The following SLC25A37 variants were observed in gnomAD, a reference collection of about 807,000 sequenced individuals.
The protein encoded by SLC25A37 is mitoferrin-1.
A neutral mutation model predicts 31.0 loss-of-function variants in SLC25A37; 17 were observed. The observed-to-expected ratio is 0.55, with a 90% CI of 0.38 to 0.82. SLC25A37 has a LOEUF of 0.82. Ranked by LOEUF, SLC25A37 falls within the 40% of genes least tolerant of loss-of-function variation. The pLI is 0.00. For missense variants in SLC25A37, 404 were observed against 465.8 expected (o/e 0.87, Z 1.22); for synonymous variants, 222 against 193.0 (o/e 1.15, Z -1.24).
In SLC25A37 at chr8:23,528,956, C is replaced by A; in HGVS notation, c.-47C>A. 6.5e-6 allele frequency: 9 copies of A among 1,392,906 alleles called. No homozygotes were observed. The highest frequency in any genetic ancestry group is 8.4e-6 in the Non-Finnish European group (9 of 1,069,566). 86.3% of individuals were successfully genotyped at this position (1,392,906 alleles called of 1,614,324 possible). The stretch of plus-strand genomic sequence containing the variant: ...GAAGTGAAGTTTTGCGCCCCTCCCC[C>A]TCCCTGCCCACCTCCTGCAGCCTCC... On this transcript the variant is annotated 5_prime_UTR_variant, in exon 1 of 4. Transcript: ENST00000519973.
At chr8:23,558,108 C>T (rs769590476) in intron 1 of SLC25A37, among the ~76,000 whole-genome samples, 6 of 152,188 alleles carry the variant, frequency 3.9e-5, no homozygotes, top group Non-Finnish European at 8.8e-5. Context: ...TTCACATGAT[C>T]GTCTCCTCAG....
intron 1 of SLC25A37, among the ~76,000 whole-genome samples, chr8:23,553,971 A>G (rs1802297422): frequency 6.6e-6 from 1 of 152,204 alleles, no homozygotes; most frequent in Admixed American, 6.5e-5. Context: ...GGGACTTAGC[A>G]TGTTGTAGAA....
rs1452043531 is a variant in SLC25A37, at chr8:23,571,627, C to T, written c.789C>T (p.Asn263=). Reference sequence around the variant, plus strand: ...TGGACGTCTGTAAGACCCTTCTGAACACTCAGGAGAACGTGGCCCTCTCGC... The same window carrying T: ...TGGACGTCTGTAAGACCCTTCTGAATACTCAGGAGAACGTGGCCCTCTCGC... ...TPLDVCKTLL[N]TQENVALSLA... is the part of the protein sequence containing the mutation. Residue 263 remains asparagine (N), a synonymous_variant, in exon 4 of 4, where the codon AAC becomes AAT. Coordinates refer to ENST00000519973, the MANE Select transcript of SLC25A37 (RefSeq NM_016612.4). 1 of 1,613,948 alleles carries T rather than the reference C, an allele frequency of 6.2e-7. No homozygotes were observed. Among genetic ancestry groups the T allele is most frequent in the Admixed American group, 1.7e-5 (1 of 60,010 alleles).
At chr8:23,530,980 T>C (rs1801650835) in intron 1 of SLC25A37, among the ~76,000 whole-genome samples, 1 of 152,234 alleles carries the variant, frequency 6.6e-6, no homozygotes, top group Non-Finnish European at 1.5e-5. Context: ...ATGTCACCTG[T>C]ATACTTAGTA....
chr8:23,533,447 CT>C (rs1801701121), intron 1 of SLC25A37, among the ~76,000 whole-genome samples: 1 of 152,200 alleles, frequency 6.6e-6, no homozygotes, highest in African/African-American at 2.4e-5. Flanking sequence ...CTTCCCAAAC[CT>C]TTTCCTGGCT....
chr8:23,551,409 G>A (rs1173590061), intron 1 of SLC25A37, among the ~76,000 whole-genome samples: 1 of 152,096 alleles, frequency 6.6e-6, no homozygotes, highest in Non-Finnish European at 1.5e-5. Flanking sequence ...TGGGGCAGCT[G>A]AAGGGAAGGG....
At chr8:23,542,224 A>T (rs1280167418) in intron 1 of SLC25A37, among the ~76,000 whole-genome samples, 1 of 152,212 alleles carries the variant, frequency 6.6e-6, no homozygotes, top group Non-Finnish European at 1.5e-5. Context: ...GTTTGGGATG[A>T]TGCTGGTGTA....
At position 23,572,203 on chromosome 8, in the gene SLC25A37, T is replaced by TAAA. The variant is rs540950017; in HGVS notation, c.*391_*393dup. 2.7e-4 allele frequency: 23 copies of TAAA among 85,764 alleles called. 1 individual carries two copies. The highest frequency in any genetic ancestry group is 9.8e-4 in the African/African-American group (15 of 15,290). 5.3% of individuals were successfully genotyped at this position (85,764 alleles called of 1,614,324 possible). On this transcript the variant is annotated 3_prime_UTR_variant, in exon 4 of 4. Transcript: ENST00000519973. The stretch of plus-strand genomic sequence containing the variant: ...GAAAATTTGCAGTGACTGAAAACAG[T>TAAA]AAAAAAAAAAAAAAAAAAAAAAAAA...
rs542454397 is a variant in SLC25A37 at position 23,529,035 on chromosome 8, G to A, written c.33G>A (p.Gln11=). ...TGCGCAGCGGGAGCGTGGGCAGCCA[G>A]GCGGTGGCGCGGAGGATGGATGGGG... The part of the protein sequence containing the change: MELRSGSVGS[Q]AVARRMDGDS... The change falls in exon 1 of 4, where the codon CAG becomes CAA. Residue 11 remains glutamine, a synonymous_variant. Coordinates refer to ENST00000519973, the MANE Select transcript of SLC25A37 (RefSeq NM_016612.4). The surrounding 1 kb of genome is among the most constrained non-coding windows in gnomAD (Gnocchi z 4.1). The A allele has an allele frequency of 2.1e-5, 32 of 1,554,180 alleles. No individual in the cohort carries two copies. Among genetic ancestry groups the A allele is most frequent in the Middle Eastern group, 3.4e-4 (2 of 5,936 alleles).
At chr8:23,543,672 C>G (rs1173237018) in intron 1 of SLC25A37, among the ~76,000 whole-genome samples, 1 of 152,114 alleles carries the variant, frequency 6.6e-6, no homozygotes, top group Non-Finnish European at 1.5e-5. Context: ...GTTGCTGGGA[C>G]TACAGGCGCC....
rs974923295 is a variant in SLC25A37, at chr8:23,571,749, C to T, written c.911C>T (p.Ala304Val). 6.2e-7 allele frequency: 1 copy of T among 1,614,032 alleles called. No homozygotes were observed. The highest frequency in any genetic ancestry group is 1.7e-5 in the Admixed American group (1 of 60,034). Residue 304 changes from alanine (A) to valine (V), a missense_variant, in exon 4 of 4, where the codon GCG becomes GTG. By Grantham distance (64) the Ala-to-Val change is moderately conservative. Coordinates refer to ENST00000519973, the MANE Select transcript of SLC25A37 (RefSeq NM_016612.4). ...GCCGGCTACTTCAAAGGCATCCAGG[C>T]GCGTGTCATCTACCAGATGCCCTCC... ...GLAGYFKGIQ[A>V]RVIYQMPSTA...
At chr8:23,539,213 A>G (rs538741475) in intron 1 of SLC25A37, among the ~76,000 whole-genome samples, 1 of 152,366 alleles carries the variant, frequency 6.6e-6, no homozygotes, top group East Asian at 1.9e-4. Context: ...CAAGGGTTGC[A>G]TAACAGGTCT....
At chr8:23,554,442 A>G (rs1802312072) in intron 1 of SLC25A37, among the ~76,000 whole-genome samples, 1 of 152,186 alleles carries the variant, frequency 6.6e-6, no homozygotes, top group Admixed American at 6.5e-5. Context: ...TCTGTCTCGC[A>G]GTGAGGTCAC....
chr8:23,566,083 G>A (rs1046715488), intron 1 of SLC25A37, 25 bp from the exon 2 acceptor site: 4 of 1,545,080 alleles, frequency 2.6e-6, no homozygotes, highest in East Asian at 2.4e-5. Context: ...ATTTTTGTTT[G>A]TTTTCTCTTC....
chr8:23,563,213 G>A (rs1282865690), intron 1 of SLC25A37, among the ~76,000 whole-genome samples: 1 of 152,028 alleles, frequency 6.6e-6, no homozygotes, highest in Non-Finnish European at 1.5e-5. Context: ...TTAAGACAGG[G>A]TTTTGTTCTG....
chr8:23,541,101 G>A (rs1338945672), intron 1 of SLC25A37, among the ~76,000 whole-genome samples: 1 of 152,158 alleles, frequency 6.6e-6, no homozygotes, highest in African/African-American at 2.4e-5. Flanking sequence ...GTCTGCTGCC[G>A]CCCATTTGGC....
intron 1 of SLC25A37, chr8:23,531,864 A>G (rs1348038401): frequency 6.6e-6 from 1 of 152,202 alleles, no homozygotes; most frequent in Non-Finnish European, 1.5e-5. Context: ...AGTGTTTTTT[A>G]CATGGTGGGC....
rs1220160752 is a variant in SLC25A37, at chr8:23,556,598, ATATATATGTGTGTATATG to A, written c.211-9492_211-9475del. ...TATACATATGTATATATGCATGTGTATATATATGTGTGTATATGTATATATGTGTGTATATATGTGTGT... is the reference window on the plus strand; with the variant it reads ...TATACATATGTATATATGCATGTGTATATATATGTGTGTATATATGTGTGT... On this transcript the variant is annotated intron_variant, in intron 1 of 3. Transcript: ENST00000519973. Among the ~76,000 whole-genome samples the A allele has an allele frequency of 6.6e-5, 10 of 152,040 alleles. No homozygotes were observed. The East Asian group carries it at 1.9e-3, about 30-fold the overall frequency.
At position 23,574,137 on chromosome 8, in the gene SLC25A37, T is replaced by C. The variant is rs1205243802; in HGVS notation, c.*2282T>C. 3.0e-6 allele frequency: 1 copy of C among 331,896 alleles called. No individual in the cohort carries two copies. Among genetic ancestry groups the C allele is most frequent in the Admixed American group, 3.9e-5 (1 of 25,684 alleles). The allele number at this position is 331,896 out of a possible 1,614,324, so 20.6% of individuals were successfully genotyped here. On this transcript the variant is annotated 3_prime_UTR_variant, in exon 4 of 4. Coordinates refer to ENST00000519973, the MANE Select transcript of SLC25A37 (RefSeq NM_016612.4). Reference sequence around the variant, plus strand: ...GTTTAGAAAATAAACTTGATTTCTCTAGGAGCACTCCTTTGGTTAGAGGGA... The same window carrying C: ...GTTTAGAAAATAAACTTGATTTCTCCAGGAGCACTCCTTTGGTTAGAGGGA...
Sources: allele counts gnomAD v4.1 joint callset (sites outside exome capture counted in the v4.1 genomes callset), GRCh38; gene constraint gnomAD v4.1.1; non-coding constraint Gnocchi (gnomAD v3.1); transcripts MANE v1.5; gene names NCBI Gene and HGNC (gene_info 2026-07-23, HGNC 2026-07-21).